Variants in ATP7A observed in about 807,000 individuals in gnomAD.
The protein encoded by ATP7A is ATPase copper transporting alpha.
Under a neutral mutation model 83.5 loss-of-function variants are expected in ATP7A, and 7 were observed. The ratio of observed to expected loss-of-function variants is 0.08; its 90% CI spans 0.05 to 0.16. The LOEUF (loss-of-function observed/expected upper bound fraction) is 0.16, where lower values mean the gene tolerates loss of function less well. Among genes scored for constraint, ATP7A ranks in the 10% least tolerant of loss-of-function variants. ATP7A has a pLI of 1.00. For synonymous variants in ATP7A, 354 were observed against 395.2 expected (o/e 0.90, Z 1.24); for missense variants, 940 against 1,120.8 (o/e 0.84, Z 2.30).
rs1281059642 is a variant in ATP7A at position 77,951,582 on chromosome X, C to CT, written c.-21-20024dup. On this transcript the variant is annotated intron_variant, in intron 1 of 22. Transcript: ENST00000341514. ...TTCTATTCTGACATCAGCACAAGAC[C>CT]TTTTTTTTTTTTTTTGAGATGGAGT... is the stretch of plus-strand genomic sequence containing the variant. Among the ~76,000 whole-genome samples, 118 of 99,422 alleles carry CT rather than the reference C, an allele frequency of 1.2e-3. 1 individual carries two copies. The highest frequency in any genetic ancestry group is 0.01 in the Middle Eastern group (2 of 197). 86.3% of individuals were successfully genotyped at this position (99,422 alleles called of 115,157 possible). A position where few individuals can be genotyped will look rare whatever the true frequency, so the allele number is the denominator to read the frequency against.
At chrX:78,009,017 C>CAAAAA in intron 6 of ATP7A, 85 bp from the exon 7 acceptor site, 6 of 803,862 alleles carry the variant, frequency 7.5e-6, no homozygotes, top group East Asian at 3.6e-5. Flanking sequence ...GACTCTGTCT[C>CAAAAA]AAAAAAAAAA....
Position 77,989,460 on chromosome X carries a change from A to C in ATP7A, c.838A>C (p.Thr280Pro). 1 of 1,211,907 alleles carries C rather than the reference A, an allele frequency of 8.3e-7. No homozygotes were observed. The highest frequency in any genetic ancestry group is 1.8e-5 in the South Asian group (1 of 57,023). The change falls in exon 4 of 23, where the codon ACT becomes CCT. Residue 280 changes from threonine to proline, a missense_variant. Physicochemically the swap from Thr to Pro is conservative, Grantham distance 38 (BLOSUM62 -1). Transcript: ENST00000341514. ...ATCATATACCAATGATTCAACAGCCACTTTCATCATTGATGGCATGCATTG... is the reference window on the plus strand; with the variant it reads ...ATCATATACCAATGATTCAACAGCCCCTTTCATCATTGATGGCATGCATTG... ...SPSYTNDSTA[T>P]FIIDGMHCKS...
chrX:77,999,364 A>G (rs908985248), intron 5 of ATP7A, among the ~76,000 whole-genome samples: 1 of 111,820 alleles, frequency 8.9e-6, no homozygotes, highest in Non-Finnish European at 1.9e-5. Context: ...CATTATTACT[A>G]TACCCAGACC....
intron 2 of ATP7A, among the ~76,000 whole-genome samples, chrX:77,985,848 A>T (rs2077633791): frequency 9.0e-6 from 1 of 111,003 alleles, no homozygotes; most frequent in East Asian, 2.8e-4. Flanking sequence ...ACCCCTGGAA[A>T]CCACTGTTCT....
rs1433181132 is a variant in ATP7A at position 77,988,792 on chromosome X, T to G, written c.610+61T>G. 9.2e-6 allele frequency: 11 copies of G among 1,190,857 alleles called. No homozygotes were observed. The African/African-American group carries it at 1.9e-4, about 21-fold the overall frequency. ...AGGTGTCTGTTTTGATCTTTTAACT[T>G]TTTGCTTTCTTCTTAAGCATGAGTT... is the stretch of plus-strand genomic sequence containing the variant. On this transcript the variant is annotated intron_variant, in intron 3 of 22. Transcript: ENST00000341514.
chrX:77,948,740 T>G (rs1361268247), intron 1 of ATP7A, among the ~76,000 whole-genome samples: 1 of 111,467 alleles, frequency 9.0e-6, no homozygotes, highest in Non-Finnish European at 1.9e-5. Context: ...CCAGACTCTT[T>G]CCTCACAGAC....
intron 1 of ATP7A, among the ~76,000 whole-genome samples, chrX:77,951,892 T>A (rs1364813223): frequency 3.6e-5 from 4 of 112,144 alleles, no homozygotes; most frequent in African/African-American, 1.3e-4. Flanking sequence ...ATACTTTTTT[T>A]AATAGACAAT....
At chrX:78,029,144 A>G in intron 14 of ATP7A, 106 bp from the exon 15 acceptor site, 1 of 844,205 alleles carries the variant, frequency 1.2e-6, no homozygotes, top group South Asian at 2.1e-5. Context: ...TAGGTAGGAT[A>G]TGTCACTTTT....
intron 12 of ATP7A, among the ~76,000 whole-genome samples, chrX:78,019,663 T>C (rs782808611): frequency 9.0e-6 from 1 of 110,610 alleles, no homozygotes; most frequent in Admixed American, 9.7e-5. Flanking sequence ...GAGATCGAGT[T>C]TTGCCATGTT....
At chrX:77,931,864 A>G (rs1603371682) in intron 1 of ATP7A, among the ~76,000 whole-genome samples, 3 of 85,797 alleles carry the variant, frequency 3.5e-5, no homozygotes, top group East Asian at 4.5e-4. Context: ...CTGGCCGGGC[A>G]GAGGGGCTCC....
At position 77,989,861 on chromosome X, in the gene ATP7A, A is replaced by C. The variant is rs782705441; in HGVS notation, c.1239A>C (p.Ala413=). ...PGVKSIRVSL[A]NSNGTVEYDP... ...TAAAATCCATACGAGTCTCCCTTGCAAATAGCAATGGGACTGTTGAGTATG... is the reference window on the plus strand; with the variant it reads ...TAAAATCCATACGAGTCTCCCTTGCCAATAGCAATGGGACTGTTGAGTATG... The change falls in exon 4 of 23, where the codon GCA becomes GCC. Residue 413 remains alanine, a synonymous_variant. Coordinates refer to ENST00000341514, the MANE Select transcript of ATP7A (RefSeq NM_000052.7). The C allele has an allele frequency of 2.5e-6, 3 of 1,210,572 alleles. No individual in the cohort carries two copies. Among genetic ancestry groups the C allele is most frequent in the Non-Finnish European group, 3.4e-6 (3 of 894,536 alleles).
At position 78,046,414 on chromosome X, in the gene ATP7A, A is replaced by T. The variant is rs2078083726; in HGVS notation, c.4347A>T (p.Lys1449Asn). 1 of 1,209,814 alleles carries T rather than the reference A, an allele frequency of 8.3e-7. No homozygotes were observed. The highest frequency in any genetic ancestry group is 1.1e-6 in the Non-Finnish European group (1 of 895,193). The change falls in exon 23 of 23, where the codon AAA becomes AAT. Residue 1449 changes from lysine (K) to asparagine (N), a missense_variant. Transcript: ENST00000341514. ...ATGATACCTCAAGGAATTCTCCTAA[A>T]CTGGGTTTGCTGGACCGGATTGTTA... ...GIDDTSRNSP[K>N]LGLLDRIVNY...
At chrX:78,000,503 A>G (rs1186712689) in intron 5 of ATP7A, among the ~76,000 whole-genome samples, 5 of 108,952 alleles carry the variant, frequency 4.6e-5, no homozygotes, top group Non-Finnish European at 9.5e-5. Context: ...CCAGTTAGAA[A>G]TAACTTTAGC....
intron 1 of ATP7A, among the ~76,000 whole-genome samples, chrX:77,945,160 G>A (rs2149056595): frequency 9.3e-6 from 1 of 107,329 alleles, no homozygotes; most frequent in South Asian, 4.1e-4. Flanking sequence ...CCTGGCCGAG[G>A]ATGTTATTTA....
At chrX:77,953,012 G>T (rs1224903891) in intron 1 of ATP7A, among the ~76,000 whole-genome samples, 2 of 110,980 alleles carry the variant, frequency 1.8e-5, no homozygotes, top group African/African-American at 6.5e-5. Flanking sequence ...GAACTCCTGG[G>T]CTCAAGCAAT....
chrX:78,010,685 T>C (rs2077815127), intron 7 of ATP7A, among the ~76,000 whole-genome samples: 1 of 101,724 alleles, frequency 9.8e-6, no homozygotes, highest in Non-Finnish European at 2.0e-5. Flanking sequence ...GTTCAAGCGA[T>C]TCTCCTGTCT....
intron 1 of ATP7A, among the ~76,000 whole-genome samples, chrX:77,915,600 A>T (rs1035694598): frequency 8.9e-6 from 1 of 112,087 alleles, no homozygotes; most frequent in Non-Finnish European, 1.9e-5. Flanking sequence ...TTACTGTAAA[A>T]GTAATTTTAA....
intron 1 of ATP7A, among the ~76,000 whole-genome samples, chrX:77,925,372 C>G (rs1238336240): frequency 1.3e-4 from 15 of 111,734 alleles, no homozygotes; most frequent in Non-Finnish European, 1.9e-5. Context: ...ACCACGTATA[C>G]TGAGTATTAC....
intron 1 of ATP7A, among the ~76,000 whole-genome samples, chrX:77,931,491 C>G (rs782275357): frequency 1.7e-4 from 19 of 112,780 alleles, no homozygotes; most frequent in African/African-American, 6.1e-4. Flanking sequence ...CACAAAACCG[C>G]CATTGTCATC....
Sources: allele counts gnomAD v4.1 joint callset (sites outside exome capture counted in the v4.1 genomes callset), GRCh38; gene constraint gnomAD v4.1.1; transcripts MANE v1.5; gene names NCBI Gene and HGNC (gene_info 2026-07-23, HGNC 2026-07-21).